Variants in ZBTB25 observed in about 807,000 individuals in gnomAD.
ZBTB25 encodes the protein zinc finger and BTB domain-containing protein 25.
In ZBTB25, 20 loss-of-function variants were observed where a neutral mutation model predicts 34.2. That is an observed-to-expected ratio of 0.58 (90% CI 0.41 to 0.85). The LOEUF (loss-of-function observed/expected upper bound fraction) is 0.85, where lower values mean the gene tolerates loss of function less well. Among genes scored for constraint, ZBTB25 ranks in the 40% least tolerant of loss-of-function variants. The probability of loss-of-function intolerance (pLI) is 0.00; values close to 1 mark genes in which losing one functional copy is unlikely to be tolerated. For missense variants in ZBTB25, 437 were observed against 521.8 expected (o/e 0.84, Z 1.58); for synonymous variants, 175 against 186.4 (o/e 0.94, Z 0.50).
At chr14:64,502,747 T>C in intron 1 of ZBTB25, 24 of 982,994 alleles carry the variant, frequency 2.4e-5, no homozygotes, top group Non-Finnish European at 2.9e-5. Context: ...TCTGGAGCCT[T>C]GGAGTCTTAG....
intron 1 of ZBTB25, among the ~76,000 whole-genome samples, chr14:64,494,282 T>C (rs2079191309): frequency 6.6e-6 from 1 of 152,162 alleles, no homozygotes; most frequent in South Asian, 2.1e-4. Flanking sequence ...TGGTAACCTC[T>C]GACAATAGTA....
chr14:64,486,649 CTA>C lies in ZBTB25; in HGVS notation c.*272_*273del. 9.7e-7 allele frequency: 1 copy of C among 1,032,640 alleles called. No individual in the cohort carries two copies. 64.0% of individuals were successfully genotyped at this position (1,032,640 alleles called of 1,614,324 possible). On this transcript the variant is annotated 3_prime_UTR_variant, in exon 3 of 3. Transcript: ENST00000608382. ...GAAAAACTTAGAATTCTATAAATAA[CTA>C]TTTAAGGTTTCCATATTTCTACATT...
chr14:64,498,018 A>C (rs2079337434), intron 1 of ZBTB25, among the ~76,000 whole-genome samples: 1 of 152,252 alleles, frequency 6.6e-6, no homozygotes, highest in Non-Finnish European at 1.5e-5. Context: ...TGAGCTACTT[A>C]CTCATGGCTA....
At chr14:64,460,996 A>T (rs1304661341) in intron 2 of ZBTB25, 1 of 152,180 alleles carries the variant, frequency 6.6e-6, no homozygotes. Flanking sequence ...GCTGCACTCC[A>T]GCCTGGGAGA....
At chr14:64,494,615 C>A (rs1162090217) in intron 1 of ZBTB25, among the ~76,000 whole-genome samples, 6 of 151,652 alleles carry the variant, frequency 4.0e-5, no homozygotes, top group Non-Finnish European at 5.9e-5. Context: ...GGCAACAGAG[C>A]GAGACTCTGT....
chr14:64,487,013 A>G lies in ZBTB25; in HGVS notation c.1218T>C (p.Ser406=). 6.2e-7 allele frequency: 1 copy of G among 1,614,192 alleles called. No homozygotes were observed. Among genetic ancestry groups the G allele is most frequent in the Non-Finnish European group, 8.5e-7 (1 of 1,180,044 alleles). The part of the protein sequence containing the change: ...CDSWSDVSLK[S]SRLSQEHLDL... ...CTAAGTGTTCTTGTGACAAGCGAGA[A>G]CTTTTCAGGGAGACATCAGACCAGC... The change falls in exon 3 of 3, where the codon AGT becomes AGC. Residue 406 remains serine (S), a synonymous_variant. Transcript: ENST00000608382.
chr14:64,449,457 G>C (rs918705986), exon 3 of ZBTB25: 1 of 1,613,428 alleles, frequency 6.2e-7, no homozygotes, highest in Non-Finnish European at 8.5e-7. Flanking sequence ...CGGATACAGA[G>C]TCTGAGCTGG....
chr14:64,478,435 T>C lies in ZBTB25; in HGVS notation c.*8488A>G, dbSNP rs1283780712. 6.6e-6 allele frequency: 1 copy of C among 152,132 alleles called. No homozygotes were observed. Among genetic ancestry groups the C allele is most frequent in the Non-Finnish European group, 1.5e-5 (1 of 68,022 alleles). The allele number at this position is 152,132 out of a possible 1,614,324, so 9.4% of individuals were successfully genotyped here. On this transcript the variant is annotated 3_prime_UTR_variant, in exon 3 of 3. Transcript: ENST00000608382. ...TCAGTAGGTAACATACCTCATAGATTGTGGATGTACAAAAAATGAACAAAA... is the reference window on the plus strand; with the variant it reads ...TCAGTAGGTAACATACCTCATAGATCGTGGATGTACAAAAAATGAACAAAA...
intron 1 of ZBTB25, among the ~76,000 whole-genome samples, chr14:64,498,630 T>G (rs1290773569): frequency 6.7e-6 from 1 of 149,770 alleles, no homozygotes; most frequent in Non-Finnish European, 1.5e-5. Flanking sequence ...ATTTGTTTAT[T>G]TATTTTTATT....
intron 1 of ZBTB25, chr14:64,502,990 G>C: frequency 1.0e-6 from 1 of 985,386 alleles, no homozygotes; most frequent in African/African-American, 1.7e-5. Context: ...GGGGTGATGC[G>C]GGCGCTAACT....
At chr14:64,458,489 T>C in intron 2 of ZBTB25, 12 of 639,368 alleles carry the variant, frequency 1.9e-5, no homozygotes, top group Non-Finnish European at 3.4e-5. Flanking sequence ...AATTGAAATA[T>C]TTATATTTCA....
chr14:64,490,573 T>C (rs752002731), intron 1 of ZBTB25, 33 bp from the exon 2 acceptor site: 1 of 1,556,922 alleles, frequency 6.4e-7, no homozygotes, highest in South Asian at 1.2e-5. Context: ...TGTAGATAGG[T>C]GTGTATGTAT....
At chr14:64,458,436 T>TGAAGTCTGAAAAGGGGAGGGGG in intron 2 of ZBTB25, 1 of 744,644 alleles carries the variant, frequency 1.3e-6, no homozygotes, top group South Asian at 1.4e-5. Context: ...CAGACTTCCC[T>TGAAGTCTGAAAAGGGGAGGGGG]GAGGGGAGAG....
chr14:64,496,309 C>G (rs1650044651), intron 1 of ZBTB25, among the ~76,000 whole-genome samples: 1 of 152,062 alleles, frequency 6.6e-6, no homozygotes, highest in African/African-American at 2.4e-5. Flanking sequence ...ATGGTGAAAC[C>G]CCGTCTCTAC....
At chr14:64,501,903 G>T (rs770558912) in intron 1 of ZBTB25, among the ~76,000 whole-genome samples, 1 of 152,182 alleles carries the variant, frequency 6.6e-6, no homozygotes, top group Admixed American at 6.5e-5. Flanking sequence ...AACCACAGGC[G>T]CCAATAAATC....
intron 2 of ZBTB25, chr14:64,469,179 T>G: frequency 6.2e-7 from 1 of 1,614,156 alleles, no homozygotes; most frequent in Non-Finnish European, 8.5e-7. Flanking sequence ...CAGCCAGTAC[T>G]TTCTGATGTT....
rs984053405 is a variant in ZBTB25 at position 64,502,830 on chromosome 14, G to A, written c.-8+831C>T. 3.1e-6 allele frequency: 3 copies of A among 971,110 alleles called. No individual in the cohort carries two copies. In the African/African-American group the frequency reaches 5.3e-5, roughly 17 times the overall value. The allele number at this position is 971,110 out of a possible 1,614,324, so 60.2% of individuals were successfully genotyped here. ...TGGTGTCTTCTCTGTAAAACGAGAG[G>A]GATGAAACAGATTTTCTATAAGGCA... On this transcript the variant is annotated intron_variant, in intron 1 of 2. Transcript: ENST00000608382.
At chr14:64,468,316 T>G in intron 2 of ZBTB25, 1 of 1,344,952 alleles carries the variant, frequency 7.4e-7, no homozygotes, top group East Asian at 2.5e-5. Context: ...GTGTGACATT[T>G]TTGCTCATCT....
chr14:64,498,854 T>G (rs1172868486), intron 1 of ZBTB25, among the ~76,000 whole-genome samples: 2 of 151,244 alleles, frequency 1.3e-5, no homozygotes, highest in East Asian at 3.9e-4. Flanking sequence ...CAGGATGGTC[T>G]CGATTTCCTG....
Sources: gnomAD v4.1 joint callset for allele counts (sites outside exome capture counted in the v4.1 genomes callset) on GRCh38, gnomAD v4.1.1 for gene constraint, MANE v1.5 for transcripts, NCBI Gene and HGNC (gene_info 2026-07-23, HGNC 2026-07-21) for gene names.